The following LRPPRC variants were observed in gnomAD, a reference collection of about 807,000 sequenced individuals.
LRPPRC encodes the protein leucine rich pentatricopeptide repeat containing, also known as leucine-rich PPR motif-containing protein, mitochondrial.
Under a neutral mutation model 180.3 loss-of-function variants are expected in LRPPRC, and 120 were observed. The ratio of observed to expected loss-of-function variants is 0.67; its 90% CI spans 0.57 to 0.77. LRPPRC has a LOEUF of 0.77. LRPPRC is among the 30% of genes least tolerant of loss of function. The pLI, the probability that LRPPRC is intolerant of heterozygous loss-of-function variation, is 0.00. For synonymous variants in LRPPRC, 723 were observed against 600.0 expected, an observed-to-expected ratio of 1.21 and a Z score of -3.00; for missense variants, 2,012 against 1,657.2, an observed-to-expected ratio of 1.21 and a Z score of -3.72.
At chr2:43,990,628 T>G (rs1182881015) in intron 1 of LRPPRC, among the ~76,000 whole-genome samples, 1 of 152,184 alleles carries the variant, frequency 6.6e-6, no homozygotes, top group Non-Finnish European at 1.5e-5. Flanking sequence ...GAATATCCAC[T>G]ACCATGTGTC....
At chr2:43,888,708 G>C (rs374645525) in intron 37 of LRPPRC, 52 bp from the exon 38 acceptor site, 8 of 967,766 alleles carry the variant, frequency 8.3e-6, no homozygotes, top group Non-Finnish European at 1.3e-5. Context: ...AGAGGTGATG[G>C]TACATAACTT....
At chr2:43,918,211 T>C in intron 28 of LRPPRC, 45 bp downstream of exon 28, 2 of 1,604,610 alleles carry the variant, frequency 1.2e-6, no homozygotes, top group Non-Finnish European at 1.7e-6. Context: ...ATAACCTAAT[T>C]ATACTGACAA....
In LRPPRC at chr2:43,934,883, G is replaced by C; in HGVS notation, c.2505-5C>G. 6.2e-7 allele frequency: 1 copy of C among 1,611,294 alleles called. No individual in the cohort carries two copies. The highest frequency in any genetic ancestry group is 8.5e-7 in the Non-Finnish European group (1 of 1,178,208). On this transcript the variant is annotated splice_polypyrimidine_tract_variant and splice_region_variant and intron_variant, in intron 23 of 37. Transcript: ENST00000260665. ...AGAGCAGTAGATAGGTCGCCCCTTA[G>C]AAACAAAAAAATTAGCAATGAATAA...
At chr2:43,907,338 C>G (rs1393884063) in intron 30 of LRPPRC, among the ~76,000 whole-genome samples, 2 of 152,120 alleles carry the variant, frequency 1.3e-5, no homozygotes, top group African/African-American at 4.8e-5. Context: ...AAAACAGATT[C>G]CAAAGTGGCA....
intron 1 of LRPPRC, among the ~76,000 whole-genome samples, chr2:43,994,442 C>T (rs928625500): frequency 6.6e-6 from 1 of 152,202 alleles, no homozygotes; most frequent in African/African-American, 2.4e-5. Flanking sequence ...AGGCCCTATA[C>T]TAAGTGCTTA....
chr2:43,901,563 C>A, intron 31 of LRPPRC, 39 bp from the exon 32 acceptor site: 1 of 1,313,614 alleles, frequency 7.6e-7, no homozygotes, highest in Non-Finnish European at 1.1e-6. Flanking sequence ...TCTTATATGA[C>A]CTGTGCTGAC....
At chr2:43,908,235 TAA>T (rs1404436512) in intron 30 of LRPPRC, among the ~76,000 whole-genome samples, 3 of 152,224 alleles carry the variant, frequency 2.0e-5, no homozygotes, top group South Asian at 2.1e-4. Context: ...AGCAGAGATT[TAA>T]AAAAAGAGTT....
intron 32 of LRPPRC, among the ~76,000 whole-genome samples, chr2:43,900,589 G>A (rs1670847847): frequency 6.6e-6 from 1 of 151,588 alleles, no homozygotes; most frequent in Non-Finnish European, 1.5e-5. Flanking sequence ...TCTATCTGGC[G>A]AAATAGTTTG....
At chr2:43,969,117 G>C (rs777058969) in intron 11 of LRPPRC, among the ~76,000 whole-genome samples, 2 of 152,174 alleles carry the variant, frequency 1.3e-5, no homozygotes, top group African/African-American at 2.4e-5. Flanking sequence ...ACTTGAGTAA[G>C]AAACCAAGTC....
chr2:43,936,157 C>T (rs1672270125), intron 23 of LRPPRC, among the ~76,000 whole-genome samples: 1 of 152,074 alleles, frequency 6.6e-6, no homozygotes, highest in South Asian at 2.1e-4. Context: ...CCCCCTTTTA[C>T]TTTCAAAGAA....
rs1381313018 is a variant in LRPPRC, at chr2:43,960,650, A to G, written c.1489-16T>C. 5 of 1,240,588 alleles carry G rather than the reference A, an allele frequency of 4.0e-6. No individual in the cohort carries two copies. Among genetic ancestry groups the G allele is most frequent in the Admixed American group, 1.7e-5 (1 of 59,518 alleles). 76.8% of individuals were successfully genotyped at this position (1,240,588 alleles called of 1,614,324 possible). A position where few individuals can be genotyped will look rare whatever the true frequency, so the allele number is the denominator to read the frequency against. On this transcript the variant is annotated splice_polypyrimidine_tract_variant and intron_variant, in intron 12 of 37. Coordinates refer to ENST00000260665, the MANE Select transcript of LRPPRC (RefSeq NM_133259.4). ...ATCCATTTTCCTGGAGATAAAGCAT[A>G]TATCAATGAGAATACATCTCAGCTA...
intron 31 of LRPPRC, chr2:43,902,289 T>A (rs867583009): frequency 2.6e-5 from 4 of 152,228 alleles, no homozygotes; most frequent in Middle Eastern, 3.2e-3. Context: ...TGGAATAGCC[T>A]TCTAGCTAAC....
Position 43,975,099 on chromosome 2 carries a change from C to G in LRPPRC, c.856G>C (p.Val286Leu). 1 of 1,613,012 alleles carries G rather than the reference C, an allele frequency of 6.2e-7. No individual in the cohort carries two copies. The highest frequency in any genetic ancestry group is 1.1e-5 in the South Asian group (1 of 91,078). Residue 286 changes from valine (V) to leucine (L), a missense_variant, in exon 7 of 38, where the codon GTT becomes CTT. Transcript: ENST00000260665. ...TTAGACATAAGTCATACCTGCTTAACATGGTCAATGTCGCCCTTCTCAGCA... is the reference window on the plus strand; with the variant it reads ...TTAGACATAAGTCATACCTGCTTAAGATGGTCAATGTCGCCCTTCTCAGCA... ...AYAEKGDIDH[V>L]KQTLEKVEKS...
chr2:43,943,910 A>T lies in LRPPRC; in HGVS notation c.2297-16T>A. On this transcript the variant is annotated splice_polypyrimidine_tract_variant and intron_variant, in intron 22 of 37. Transcript: ENST00000260665. Reference sequence around the variant, plus strand: ...TTAATAGCATCTACAATGAAGTAACACAAAAGACCCTTAGGTAATTTCATG... The same window carrying T: ...TTAATAGCATCTACAATGAAGTAACTCAAAAGACCCTTAGGTAATTTCATG... The T allele has an allele frequency of 6.4e-7, 1 of 1,573,280 alleles. No homozygotes were observed. Among genetic ancestry groups the T allele is most frequent in the South Asian group, 1.1e-5 (1 of 90,164 alleles).
At chr2:43,984,984 GT>G (rs1267330666) in intron 1 of LRPPRC, among the ~76,000 whole-genome samples, 1 of 148,972 alleles carries the variant, frequency 6.7e-6, no homozygotes, top group African/African-American at 2.5e-5. Context: ...TTATCTCTCA[GT>G]TTTTTTAAAA....
At position 43,886,697 on chromosome 2, in the gene LRPPRC, G is replaced by C. The variant is rs190578201; in HGVS notation, c.*1903C>G. 3.7e-4 allele frequency: 57 copies of C among 152,276 alleles called. No homozygotes were observed. The highest frequency in any genetic ancestry group is 1.3e-3 in the African/African-American group (56 of 41,554). 9.4% of individuals were successfully genotyped at this position (152,276 alleles called of 1,614,324 possible). A position where few individuals can be genotyped will look rare whatever the true frequency, so the allele number is the denominator to read the frequency against. On this transcript the variant is annotated 3_prime_UTR_variant, in exon 38 of 38. Transcript: ENST00000260665. The stretch of plus-strand genomic sequence containing the variant: ...ATGGTACTTTCAGTTTCCCCAAAAA[G>C]ATGACTGCGAAATCCAGATTACACC...
intron 27 of LRPPRC, among the ~76,000 whole-genome samples, chr2:43,920,260 C>G (rs151088358): frequency 3.5e-4 from 53 of 152,054 alleles, no homozygotes; most frequent in African/African-American, 1.2e-3. Flanking sequence ...CTCAGACTCC[C>G]GAGTAGCTGA....
intron 11 of LRPPRC, among the ~76,000 whole-genome samples, chr2:43,965,426 A>G (rs1559025032): frequency 6.6e-6 from 1 of 152,236 alleles, no homozygotes; most frequent in Non-Finnish European, 1.5e-5. Context: ...ACTTGAAACC[A>G]TAAAACTCCT....
chr2:43,992,914 TA>T (rs1466950266), intron 1 of LRPPRC, among the ~76,000 whole-genome samples: 1 of 152,098 alleles, frequency 6.6e-6, no homozygotes, highest in Non-Finnish European at 1.5e-5. Flanking sequence ...GATAGGTAAG[TA>T]ATGCCCTGAA....
Sources: gnomAD v4.1 joint callset for allele counts (sites outside exome capture counted in the v4.1 genomes callset) on GRCh38, gnomAD v4.1.1 for gene constraint, MANE v1.5 for transcripts, NCBI Gene and HGNC (gene_info 2026-07-23, HGNC 2026-07-21) for gene names.